The following LRRC4C variants were observed in gnomAD, a reference collection of about 807,000 sequenced individuals.
LRRC4C encodes the protein leucine rich repeat containing 4C.
In LRRC4C, 5 loss-of-function variants were observed where a neutral mutation model predicts 33.6. The observed-to-expected ratio is 0.15, with a 90% CI of 0.08 to 0.31. LRRC4C has a LOEUF of 0.31. Ranked by LOEUF, LRRC4C falls within the 10% of genes least tolerant of loss-of-function variation. LRRC4C has a pLI of 1.00. For missense variants in LRRC4C, 560 were observed against 796.7 expected, an observed-to-expected ratio of 0.70 and a Z score of 3.58; for synonymous variants, 329 against 302.0, an observed-to-expected ratio of 1.09 and a Z score of -0.93.
At chr11:40,645,446 C>G (rs1411312810) in intron 3 of LRRC4C, among the ~76,000 whole-genome samples, 1 of 152,132 alleles carries the variant, frequency 6.6e-6, no homozygotes, top group Non-Finnish European at 1.5e-5. Context: ...TGCCACCTGG[C>G]TCCCTGTTTG....
At chr11:40,746,252 C>T (rs373329920) in intron 2 of LRRC4C, among the ~76,000 whole-genome samples, 88 of 152,176 alleles carry the variant, frequency 5.8e-4, no homozygotes, top group East Asian at 1.9e-3. Context: ...GACTGTGCAA[C>T]GGCACCGCTT....
rs201688769 is a variant in LRRC4C at position 40,116,191 on chromosome 11, T to A, written c.102A>T (p.Gln34His). 31 of 1,613,940 alleles carry A rather than the reference T, an allele frequency of 1.9e-5. No homozygotes were observed. The East Asian group carries it at 6.9e-4, about 36-fold the overall frequency. The change falls in exon 7 of 7, where the codon CAA (glutamine) becomes CAT (histidine). Residue 34 changes from glutamine to histidine, a missense_variant. Gln to His is a conservative substitution (Grantham distance 24, BLOSUM62 0). Coordinates refer to ENST00000528697, the MANE Select transcript of LRRC4C (RefSeq NM_001258419.2). Reference protein sequence around the residue: ...DPLLVVLLALQLLVVAGLVRA... With the variant: ...DPLLVVLLALHLLVVAGLVRA... ...GCACCAGACCAGCCACCACAAGAAG[T>A]TGAAGAGCCAGCAGCACCACAAGCA...
At chr11:40,942,513 C>T (rs1958200497) in intron 1 of LRRC4C, among the ~76,000 whole-genome samples, 1 of 152,126 alleles carries the variant, frequency 6.6e-6, no homozygotes, top group Non-Finnish European at 1.5e-5. Flanking sequence ...TGTAGAAATA[C>T]AGGACAACAT....
At chr11:40,985,374 GA>G (rs66501329) in intron 1 of LRRC4C, among the ~76,000 whole-genome samples, 35,262 of 151,754 alleles carry the variant, frequency 0.23, 4,449 homozygotes, top group Middle Eastern at 0.31. Flanking sequence ...AATAGGGGGG[GA>G]AAAGTACCTT....
intron 1 of LRRC4C, among the ~76,000 whole-genome samples, chr11:41,357,602 T>C (rs1335450885): frequency 1.3e-5 from 2 of 152,106 alleles, no homozygotes; most frequent in Non-Finnish European, 2.9e-5. Flanking sequence ...ACGTCCTTGT[T>C]CTGGTGTTCC....
intron 1 of LRRC4C, among the ~76,000 whole-genome samples, chr11:41,092,884 A>C (rs1022943668): frequency 6.6e-6 from 1 of 152,226 alleles, no homozygotes; most frequent in Non-Finnish European, 1.5e-5. Context: ...TAGCATGAAA[A>C]TTATAAGATG....
Position 40,492,303 on chromosome 11 carries a change from G to T in LRRC4C, c.-270+155839C>A, listed in dbSNP as rs149695982. Among the ~76,000 whole-genome samples the T allele has an allele frequency of 6.4e-4, 97 of 152,058 alleles. 1 individual carries two copies. The highest frequency in any genetic ancestry group is 3.4e-3 in the Middle Eastern group (1 of 294). ...AGAACCTTTTATTACTTTAATGATT[G>T]GTTAATCGATAAGATTCATTTTAAG... On this transcript the variant is annotated intron_variant, in intron 3 of 6. Transcript: ENST00000528697.
chr11:40,274,805 AG>A (rs1180054636), intron 4 of LRRC4C, among the ~76,000 whole-genome samples: 1 of 152,152 alleles, frequency 6.6e-6, no homozygotes, highest in African/African-American at 2.4e-5. Context: ...AGCACACAGC[AG>A]CATCCTCAAT....
intron 1 of LRRC4C, among the ~76,000 whole-genome samples, chr11:41,404,755 T>G (rs1313509259): frequency 1.3e-5 from 2 of 152,002 alleles, no homozygotes; most frequent in African/African-American, 2.4e-5. Context: ...ATTAAGTTAG[T>G]CATAGGATAT....
intron 1 of LRRC4C, among the ~76,000 whole-genome samples, chr11:41,440,243 T>C (rs535068933): frequency 6.1e-4 from 93 of 152,216 alleles, no homozygotes; most frequent in African/African-American, 2.1e-3. Flanking sequence ...TAGCTATCTA[T>C]GATTAATATT....
chr11:41,001,498 C>T (rs1854375167), intron 1 of LRRC4C, among the ~76,000 whole-genome samples: 1 of 152,036 alleles, frequency 6.6e-6, no homozygotes, highest in Non-Finnish European at 1.5e-5. Flanking sequence ...GAGTTCCAGA[C>T]TATCAGGATC....
At chr11:41,200,655 G>C (rs1565474393) in intron 1 of LRRC4C, among the ~76,000 whole-genome samples, 1 of 152,074 alleles carries the variant, frequency 6.6e-6, no homozygotes, top group Non-Finnish European at 1.5e-5. Context: ...CACTCCCTGA[G>C]CTTAAAACCA....
intron 1 of LRRC4C, among the ~76,000 whole-genome samples, chr11:41,062,732 T>C (rs1937883936): frequency 6.6e-6 from 1 of 152,126 alleles, no homozygotes; most frequent in Non-Finnish European, 1.5e-5. Flanking sequence ...TCTGTGCAGA[T>C]GTAACTAGTA....
chr11:40,701,621 A>C (rs958328515), intron 2 of LRRC4C, among the ~76,000 whole-genome samples: 1 of 149,024 alleles, frequency 6.7e-6, no homozygotes, highest in African/African-American at 2.4e-5. Context: ...ATATGTATAC[A>C]TATATACATG....
At chr11:40,354,753 G>A (rs911842678) in intron 3 of LRRC4C, among the ~76,000 whole-genome samples, 18 of 151,986 alleles carry the variant, frequency 1.2e-4, no homozygotes, top group South Asian at 2.1e-4. Flanking sequence ...CTGTGGCCCC[G>A]AGTGGGTTCA....
intron 1 of LRRC4C, among the ~76,000 whole-genome samples, chr11:41,194,194 T>C (rs1270964132): frequency 6.6e-6 from 1 of 152,150 alleles, no homozygotes. Flanking sequence ...TATAGTACTA[T>C]AACATACAAA....
intron 3 of LRRC4C, among the ~76,000 whole-genome samples, chr11:40,373,547 T>C (rs1331633051): frequency 6.6e-6 from 1 of 152,108 alleles, no homozygotes; most frequent in African/African-American, 2.4e-5. Context: ...AAATAACCAA[T>C]AAATGTATTG....
chr11:40,542,698 T>G lies in LRRC4C; in HGVS notation c.-270+105444A>C, dbSNP rs547720265. 1.1e-3 allele frequency among the ~76,000 whole-genome samples: 173 copies of G among 152,246 alleles called. 1 individual carries two copies. Among genetic ancestry groups the G allele is most frequent in the Middle Eastern group, 3.4e-3 (1 of 294 alleles). On this transcript the variant is annotated intron_variant, in intron 3 of 6. Transcript: ENST00000528697. ...TGCTTGCTCTTGCTGGTTAGATTTA[T>G]TCCCATTCATCCCTTCAAGGATGTG...
intron 1 of LRRC4C, among the ~76,000 whole-genome samples, chr11:41,278,873 T>C (rs946377624): frequency 6.6e-6 from 1 of 152,192 alleles, no homozygotes; most frequent in Admixed American, 6.5e-5. Flanking sequence ...AAAGTTTTGT[T>C]GCATGGGTAA....
Sources: allele counts gnomAD v4.1 joint callset (sites outside exome capture counted in the v4.1 genomes callset), GRCh38; gene constraint gnomAD v4.1.1; transcripts MANE v1.5; gene names NCBI Gene and HGNC (gene_info 2026-07-23, HGNC 2026-07-21).